The following CREB1 variants were observed in gnomAD, a reference collection of about 807,000 sequenced individuals.
CREB1 encodes cAMP responsive element binding protein 1.
CREB1 carries 2 observed loss-of-function variants against 42.0 expected under a neutral mutation model. The observed-to-expected ratio is 0.05, with a 90% CI of 0.02 to 0.15. The LOEUF is 0.15. Among genes scored for constraint, CREB1 ranks in the 10% least tolerant of loss-of-function variants. The pLI, the probability that CREB1 is intolerant of heterozygous loss-of-function variation, is 1.00. For missense variants in CREB1, 199 were observed against 388.9 expected (o/e 0.51, Z 4.11); for synonymous variants, 123 against 139.9 (o/e 0.88, Z 0.85).
Position 207,605,019 on chromosome 2 carries a change from A to G in CREB1, c.*7961A>G, listed in dbSNP as rs1420544085. ...TTTCTACTGTTTGGCTAATGTTCAT[A>G]GTGCTGTTATGAATGTTCGTGTACA... On this transcript the variant is annotated 3_prime_UTR_variant, in exon 8 of 8. Transcript: ENST00000353267. Among the ~76,000 whole-genome samples the G allele has an allele frequency of 6.6e-6, 1 of 152,180 alleles. No homozygotes were observed. Among genetic ancestry groups the G allele is most frequent in the African/African-American group, 2.4e-5 (1 of 41,442 alleles).
At chr2:207,539,313 G>A (rs917178057) in intron 1 of CREB1, among the ~76,000 whole-genome samples, 6 of 150,282 alleles carry the variant, frequency 4.0e-5, no homozygotes, top group Non-Finnish European at 5.9e-5. Flanking sequence ...CTCAGCCTCC[G>A]ATTACAGGCA....
chr2:207,572,924 A>G (rs2082428685), intron 5 of CREB1, among the ~76,000 whole-genome samples: 1 of 152,108 alleles, frequency 6.6e-6, no homozygotes, highest in Non-Finnish European at 1.5e-5. Flanking sequence ...ATTTTATTAA[A>G]TTCATGCTGT....
chr2:207,576,803 T>C, intron 6 of CREB1: 1 of 1,035,448 alleles, frequency 9.7e-7, no homozygotes. Flanking sequence ...TTAAGTAACA[T>C]TAGGTTCCTT....
chr2:207,580,628 A>C (rs1480272735), intron 7 of CREB1: 4 of 218,566 alleles, frequency 1.8e-5, no homozygotes. Flanking sequence ...GTAATCCAAA[A>C]AATTCATCAC....
Position 207,600,379 on chromosome 2 carries a change from G to A in CREB1, c.*3321G>A, listed in dbSNP as rs2086853463. The A allele has an allele frequency of 5.3e-6, 1 of 189,680 alleles. No individual in the cohort carries two copies. Among genetic ancestry groups the A allele is most frequent in the South Asian group, 2.0e-4 (1 of 5,124 alleles). 11.7% of individuals were successfully genotyped at this position (189,680 alleles called of 1,614,324 possible). ...TTGTGTGTTCTGTTGCATTCCTTCT[G>A]GTAGTTTCTATGACTGCATTACTCC... On this transcript the variant is annotated 3_prime_UTR_variant, in exon 8 of 8. Coordinates refer to ENST00000353267, the MANE Select transcript of CREB1 (RefSeq NM_004379.5).
At chr2:207,538,305 A>G (rs549117376) in intron 1 of CREB1, among the ~76,000 whole-genome samples, 40 of 152,314 alleles carry the variant, frequency 2.6e-4, no homozygotes, top group African/African-American at 9.1e-4. Context: ...ATAATTACCT[A>G]TAATTTAATA....
At chr2:207,555,797 A>G (rs771157579) in intron 2 of CREB1, 48 bp downstream of exon 2, 1 of 1,226,022 alleles carries the variant, frequency 8.2e-7, no homozygotes, top group Non-Finnish European at 1.2e-6. Context: ...TCCTAGAGGA[A>G]TACGTTTCCA....
In CREB1 at chr2:207,601,997, T is replaced by C. The variant is rs2087138949; in HGVS notation, c.*4939T>C. 4.8e-6 allele frequency: 1 copy of C among 206,860 alleles called. No homozygotes were observed. The highest frequency in any genetic ancestry group is 9.9e-6 in the Non-Finnish European group (1 of 101,470). 12.8% of individuals were successfully genotyped at this position (206,860 alleles called of 1,614,324 possible). A position where few individuals can be genotyped will look rare whatever the true frequency, so the allele number is the denominator to read the frequency against. On this transcript the variant is annotated 3_prime_UTR_variant, in exon 8 of 8. Transcript: ENST00000353267. ...AATGGCTAGGAGAGGCATTAATCTTTGAGGGGCTGAACATATCATGAAGCT... is the reference window on the plus strand; with the variant it reads ...AATGGCTAGGAGAGGCATTAATCTTCGAGGGGCTGAACATATCATGAAGCT...
rs545487244 is a variant in CREB1 at position 207,564,791 on chromosome 2, T to TAG, written c.262-2671_262-2670dup. On this transcript the variant is annotated intron_variant, in intron 3 of 7. Coordinates refer to ENST00000353267, the MANE Select transcript of CREB1 (RefSeq NM_004379.5). Reference sequence around the variant, plus strand: ...AACTTTATATCTACAAGTGGTAGTTTAGCTTTTTGAAAATTTCTTGACTTA... The same window carrying TAG: ...AACTTTATATCTACAAGTGGTAGTTTAGAGCTTTTTGAAAATTTCTTGACTTA... Among the ~76,000 whole-genome samples, 258 of 152,268 alleles carry TAG rather than the reference T, an allele frequency of 1.7e-3. 1 individual carries two copies. The highest frequency in any genetic ancestry group is 6.0e-3 in the African/African-American group (251 of 41,566).
At chr2:207,594,022 G>C (rs2085620944) in intron 7 of CREB1, among the ~76,000 whole-genome samples, 2 of 152,102 alleles carry the variant, frequency 1.3e-5, no homozygotes, top group South Asian at 4.1e-4. Flanking sequence ...CACCACACCA[G>C]CCCTCACAAA....
intron 2 of CREB1, among the ~76,000 whole-genome samples, chr2:207,556,688 AG>A (rs1350150179): frequency 6.6e-6 from 1 of 152,224 alleles, no homozygotes; most frequent in African/African-American, 2.4e-5. Flanking sequence ...GTTTACCTCC[AG>A]CCTTCAGGAA....
chr2:207,568,865 T>G (rs897620250), intron 4 of CREB1, among the ~76,000 whole-genome samples: 1 of 152,070 alleles, frequency 6.6e-6, no homozygotes, highest in Non-Finnish European at 1.5e-5. Context: ...AGTGAAACAT[T>G]TAACACTGTA....
chr2:207,582,149 A>G (rs1164337932), intron 7 of CREB1: 1 of 702,860 alleles, frequency 1.4e-6, no homozygotes. Context: ...GAGGAGAATT[A>G]AATTCCACCT....
intron 7 of CREB1, among the ~76,000 whole-genome samples, chr2:207,588,748 T>TGG (rs2084384783): frequency 4.2e-5 from 6 of 142,222 alleles, no homozygotes; most frequent in South Asian, 2.4e-4. Flanking sequence ...TTTTTGTGTG[T>TGG]GGGGGTGGGG....
At chr2:207,587,554 A>T (rs897102913) in intron 7 of CREB1, among the ~76,000 whole-genome samples, 1 of 152,206 alleles carries the variant, frequency 6.6e-6, no homozygotes, top group African/African-American at 2.4e-5. Context: ...ATCCATCAAC[A>T]TATGAATGGA....
chr2:207,553,929 TAAATG>T (rs2081614998), intron 1 of CREB1, among the ~76,000 whole-genome samples: 2 of 151,794 alleles, frequency 1.3e-5, no homozygotes, highest in Non-Finnish European at 3.0e-5. Flanking sequence ...TTTAAAAAAA[TAAATG>T]GGGCTCTATT....
chr2:207,592,694 G>T (rs2085295170), intron 7 of CREB1, among the ~76,000 whole-genome samples: 1 of 152,042 alleles, frequency 6.6e-6, no homozygotes, highest in Non-Finnish European at 1.5e-5. Flanking sequence ...ACCAAGGCAG[G>T]CGGATCACGA....
At chr2:207,577,945 G>C (rs1269152623) in intron 7 of CREB1, 1 of 381,118 alleles carries the variant, frequency 2.6e-6, no homozygotes, top group Non-Finnish European at 5.0e-6. Flanking sequence ...AGTTAGCCAG[G>C]TTATTTAAAA....
chr2:207,585,296 A>G (rs1444825768), intron 7 of CREB1, among the ~76,000 whole-genome samples: 2 of 152,210 alleles, frequency 1.3e-5, no homozygotes, highest in Non-Finnish European at 2.9e-5. Flanking sequence ...TGAAGAAATC[A>G]TAGATGCCAT....
Sources: allele counts gnomAD v4.1 joint callset (sites outside exome capture counted in the v4.1 genomes callset), GRCh38; gene constraint gnomAD v4.1.1; transcripts MANE v1.5; gene names NCBI Gene and HGNC (gene_info 2026-07-23, HGNC 2026-07-21).